The following MAU2 variants were observed in gnomAD, a reference collection of about 807,000 sequenced individuals.
The protein encoded by MAU2 is MAU2 chromatid cohesion factor homolog.
A neutral mutation model predicts 89.1 loss-of-function variants in MAU2; 9 were observed. The ratio of observed to expected loss-of-function variants is 0.10; its 90% CI spans 0.06 to 0.18. MAU2 has a LOEUF of 0.18. MAU2 is among the 10% of genes least tolerant of loss of function. The pLI is 1.00. For synonymous variants in MAU2, 357 were observed against 343.4 expected (o/e 1.04, Z -0.44); for missense variants, 425 against 803.5 (o/e 0.53, Z 5.69).
At chr19:19,340,094 C>A (rs553975008) in intron 5 of MAU2, among the ~76,000 whole-genome samples, 65 of 148,312 alleles carry the variant, frequency 4.4e-4, no homozygotes, top group African/African-American at 1.6e-3. Context: ...GAACCCAGGA[C>A]GCGGAGGTTG....
At chr19:19,344,540 G>A in intron 10 of MAU2, 1 of 462,288 alleles carries the variant, frequency 2.2e-6, no homozygotes, top group East Asian at 3.5e-5. Flanking sequence ...CCTGCCATTA[G>A]GAACACTCTA....
At position 19,358,090 on chromosome 19, in the gene MAU2, A is replaced by C. The variant is rs888497465; in HGVS notation, c.*2308A>C. ...GTGAGACTTTGTCTCAAAAAAAAAA[A>C]AAAAAACAATGGAAGGCAGACAGCA... On this transcript the variant is annotated 3_prime_UTR_variant, in exon 19 of 19. Coordinates refer to ENST00000262815, the MANE Select transcript of MAU2 (RefSeq NM_015329.4). 1 of 152,160 alleles carries C rather than the reference A, an allele frequency of 6.6e-6. No individual in the cohort carries two copies. The highest frequency in any genetic ancestry group is 1.5e-5 in the Non-Finnish European group (1 of 68,072). The allele number at this position is 152,160 out of a possible 1,614,324, so 9.4% of individuals were successfully genotyped here. A position where few individuals can be genotyped will look rare whatever the true frequency, so the allele number is the denominator to read the frequency against.
At chr19:19,339,855 C>A (rs2061626719) in intron 5 of MAU2, among the ~76,000 whole-genome samples, 1 of 151,584 alleles carries the variant, frequency 6.6e-6, no homozygotes, top group Non-Finnish European at 1.5e-5. Flanking sequence ...GAAACCCCGT[C>A]TCTACTAAAA....
chr19:19,338,632 G>A (rs779608524), intron 4 of MAU2, among the ~76,000 whole-genome samples: 1 of 152,244 alleles, frequency 6.6e-6, no homozygotes, highest in Non-Finnish European at 1.5e-5. Flanking sequence ...GCACCATTCA[G>A]TTTAGATGAC....
chr19:19,340,939 A>C, intron 6 of MAU2, 66 bp downstream of exon 6: 1 of 1,596,224 alleles, frequency 6.3e-7, no homozygotes, highest in Non-Finnish European at 8.6e-7. Flanking sequence ...GCCCCCACAG[A>C]GTCTGCTCAG....
intron 1 of MAU2, among the ~76,000 whole-genome samples, chr19:19,331,501 CA>C (rs34924518): frequency 2.2e-4 from 32 of 144,906 alleles, no homozygotes; most frequent in Admixed American, 1.0e-3. Flanking sequence ...AACTCCGTCT[CA>C]AAAAAAAAAA....
intron 2 of MAU2, 93 bp downstream of exon 2, chr19:19,335,828 C>A: frequency 6.9e-7 from 1 of 1,444,874 alleles, no homozygotes; most frequent in Non-Finnish European, 9.7e-7. Context: ...TCCCGACATG[C>A]CCTGTGAGTT....
intron 16 of MAU2, among the ~76,000 whole-genome samples, chr19:19,350,001 A>G (rs1362024030): frequency 4.4e-5 from 6 of 135,246 alleles, no homozygotes; most frequent in African/African-American, 9.0e-5. Context: ...TTTTTTTTTA[A>G]GAAGATATTT....
At chr19:19,337,463 T>C (rs1178009486) in intron 4 of MAU2, among the ~76,000 whole-genome samples, 198 bp downstream of exon 4, 1 of 152,228 alleles carries the variant, frequency 6.6e-6, no homozygotes, top group Non-Finnish European at 1.5e-5. Flanking sequence ...AGAGCATCTC[T>C]GGCTTGAGCC....
Position 19,346,974 on chromosome 19 carries a change from A to C in MAU2, c.1222-306A>C, listed in dbSNP as rs556457575. ...CTGTGGCCTGGAGGAAGGGTCCACC[A>C]GGTCTCAGTCCTGAGAGACAGTGGA... On this transcript the variant is annotated intron_variant, in intron 12 of 18. Transcript: ENST00000262815. 15 of 304,822 alleles carry C rather than the reference A, an allele frequency of 4.9e-5. No individual in the cohort carries two copies. The South Asian group carries it at 6.6e-4, about 13-fold the overall frequency. The allele number at this position is 304,822 out of a possible 1,614,324, so 18.9% of individuals were successfully genotyped here.
rs1392805686 is a variant in MAU2, at chr19:19,336,241, C to G, written c.360+54C>G. The G allele has an allele frequency of 2.3e-6, 3 of 1,300,846 alleles. No individual in the cohort carries two copies. The East Asian group carries it at 7.0e-5, about 30-fold the overall frequency. 80.6% of individuals were successfully genotyped at this position (1,300,846 alleles called of 1,614,324 possible). The stretch of plus-strand genomic sequence containing the variant: ...AAAGTGTCTCTCCGTGTCGCTAAGA[C>G]ATGACAGCACATTGGTAAATTGGGG... On this transcript the variant is annotated intron_variant, in intron 3 of 18. Transcript: ENST00000262815.
intron 4 of MAU2, 102 bp downstream of exon 4, chr19:19,337,367 C>T (rs754104414): frequency 1.1e-6 from 1 of 888,914 alleles, no homozygotes; most frequent in Non-Finnish European, 1.8e-6. Context: ...GATGCGCAGA[C>T]CCCCTCGGGC....
Position 19,320,907 on chromosome 19 carries a change from T to G in MAU2, c.48T>G (p.Ala16=). 1.9e-6 allele frequency: 3 copies of G among 1,547,890 alleles called. No homozygotes were observed. Among genetic ancestry groups the G allele is most frequent in the Non-Finnish European group, 2.6e-6 (3 of 1,148,348 alleles). Residue 16 remains alanine, a synonymous_variant, in exon 1 of 19, where the codon GCT becomes GCG. Coordinates refer to ENST00000262815, the MANE Select transcript of MAU2 (RefSeq NM_015329.4). Reference sequence around the variant, plus strand: ...CGGCCCAGGCGGCGGCGGCCCAGGCTGCGCAGGCCGAGGCGGCCGACTCGT... The same window carrying G: ...CGGCCCAGGCGGCGGCGGCCCAGGCGGCGCAGGCCGAGGCGGCCGACTCGT... ...AAAAQAAAAQ[A]AQAEAADSWY...
At chr19:19,354,032 C>T (rs1396463104) in intron 16 of MAU2, 2 of 382,444 alleles carry the variant, frequency 5.2e-6, no homozygotes. Flanking sequence ...TTCTGATCAG[C>T]CCCCATTGTG....
intron 10 of MAU2, chr19:19,344,149 C>T (rs948432952): frequency 2.4e-5 from 13 of 547,514 alleles, no homozygotes; most frequent in East Asian, 6.5e-5. Context: ...CAGTGGCTCA[C>T]GCCTGTCATC....
Position 19,355,935 on chromosome 19 carries a change from C to A in MAU2, c.*153C>A, listed in dbSNP as rs948105889. ...TGTGCGGGGCCAGTCCCTGCCCTCC[C>A]AGGAGGGGTGGTAGCCGTTCCCACC... On this transcript the variant is annotated 3_prime_UTR_variant, in exon 19 of 19. Transcript: ENST00000262815. 3 of 783,556 alleles carry A rather than the reference C, an allele frequency of 3.8e-6. No homozygotes were observed. The highest frequency in any genetic ancestry group is 1.4e-5 in the South Asian group (1 of 69,960). 48.5% of individuals were successfully genotyped at this position (783,556 alleles called of 1,614,324 possible).
Position 19,357,489 on chromosome 19 carries a change from A to G in MAU2, c.*1707A>G, listed in dbSNP as rs1195520812. 2.0e-5 allele frequency: 3 copies of G among 153,140 alleles called. No homozygotes were observed. Among genetic ancestry groups the G allele is most frequent in the Non-Finnish European group, 4.4e-5 (3 of 68,136 alleles). 9.5% of individuals were successfully genotyped at this position (153,140 alleles called of 1,614,324 possible). A position where few individuals can be genotyped will look rare whatever the true frequency, so the allele number is the denominator to read the frequency against. ...AGATGCCACCACTTGTGTCTCCACA[A>G]TGTGCTCCTGCCCACCCGGGTTCCG... On this transcript the variant is annotated 3_prime_UTR_variant, in exon 19 of 19. Transcript: ENST00000262815.
At chr19:19,354,521 T>TTA in intron 17 of MAU2, 76 bp downstream of exon 17, 3 of 1,335,850 alleles carry the variant, frequency 2.2e-6, no homozygotes, top group Non-Finnish European at 3.2e-6. Context: ...GGGCATGTCC[T>TTA]GCTCAGCCTT....
chr19:19,335,358 T>C (rs1001788147), intron 1 of MAU2, among the ~76,000 whole-genome samples: 2 of 152,224 alleles, frequency 1.3e-5, no homozygotes, highest in African/African-American at 4.8e-5. Flanking sequence ...CCAGCCCTAC[T>C]TCCGTGTGAC....
Sources: gnomAD v4.1 joint callset for allele counts (sites outside exome capture counted in the v4.1 genomes callset) on GRCh38, gnomAD v4.1.1 for gene constraint, MANE v1.5 for transcripts, NCBI Gene and HGNC (gene_info 2026-07-23, HGNC 2026-07-21) for gene names.